EPHA3: variants seen among roughly 807,000 people sequenced by gnomAD.
EPHA3 encodes the protein EPH receptor A3.
EPHA3 carries 42 observed loss-of-function variants against 107.1 expected under a neutral mutation model. The observed-to-expected ratio is 0.39, with a 90% CI of 0.31 to 0.51. The LOEUF (loss-of-function observed/expected upper bound fraction) is 0.51, where lower values mean the gene tolerates loss of function less well. EPHA3 is among the 20% of genes least tolerant of loss of function. The pLI is 0.78. For missense variants in EPHA3, 1,183 were observed against 1,211.2 expected, an observed-to-expected ratio of 0.98 and a Z score of 0.35; for synonymous variants, 461 against 424.8, an observed-to-expected ratio of 1.09 and a Z score of -1.05.
chr3:89,173,878 C>T (rs1470286453), intron 2 of EPHA3, among the ~76,000 whole-genome samples: 2 of 151,976 alleles, frequency 1.3e-5, no homozygotes, highest in African/African-American at 4.8e-5. Context: ...TGGCTATTGT[C>T]TCTAAAACAT....
Position 89,344,397 on chromosome 3 carries a change from T to TA in EPHA3, c.1306+2315dup, listed in dbSNP as rs373299624. Among the ~76,000 whole-genome samples, 694 of 152,124 alleles carry TA rather than the reference T, an allele frequency of 4.6e-3. 6 individuals carry two copies. The highest frequency in any genetic ancestry group is 0.014 in the Middle Eastern group (4 of 294). On this transcript the variant is annotated intron_variant, in intron 5 of 16. Coordinates refer to ENST00000336596, the MANE Select transcript of EPHA3 (RefSeq NM_005233.6). ...TACTTACCCTAGTCTCTCTCCCATT[T>TA]AAAAAAAATCACTAATGTGTTTATA...
intron 3 of EPHA3, among the ~76,000 whole-genome samples, chr3:89,212,750 C>T (rs192981908): frequency 6.6e-6 from 1 of 152,032 alleles, no homozygotes; most frequent in East Asian, 1.9e-4. Flanking sequence ...TATTCCTTCT[C>T]ATATAAACTT....
intron 1 of EPHA3, among the ~76,000 whole-genome samples, chr3:89,117,641 T>G (rs576635743): frequency 8.2e-4 from 125 of 152,214 alleles, no homozygotes; most frequent in African/African-American, 2.8e-3. Context: ...CTTACAAAAC[T>G]GAGCTATTCC....
At chr3:89,395,789 C>T (rs112362743) in intron 5 of EPHA3, 48 bp from the exon 6 acceptor site, 5 of 1,607,694 alleles carry the variant, frequency 3.1e-6, no homozygotes, top group Admixed American at 1.7e-5. Context: ...CCTTTCTAAC[C>T]CATTAATTTG....
rs528374323 is a variant in EPHA3, at chr3:89,243,204, G to T, written c.814+32684G>T. Among the ~76,000 whole-genome samples, 30 of 152,048 alleles carry T rather than the reference G, an allele frequency of 2.0e-4. 1 individual carries two copies. The South Asian group carries it at 5.6e-3, about 28-fold the overall frequency. On this transcript the variant is annotated intron_variant, in intron 3 of 16. Transcript: ENST00000336596. ...AGTCTTTGCTATTGTGAATAGTGCCGCGATAAACATATGTGTGCATGTTTC... is the reference window on the plus strand; with the variant it reads ...AGTCTTTGCTATTGTGAATAGTGCCTCGATAAACATATGTGTGCATGTTTC...
chr3:89,199,861 T>A (rs551256822), intron 2 of EPHA3, among the ~76,000 whole-genome samples: 1 of 152,230 alleles, frequency 6.6e-6, no homozygotes. Context: ...AGCACACTTC[T>A]GTCTGTACTT....
chr3:89,416,704 A>G (rs998304744), intron 10 of EPHA3, among the ~76,000 whole-genome samples: 13 of 151,444 alleles, frequency 8.6e-5, no homozygotes, highest in African/African-American at 3.1e-4. Context: ...AAATAATCAC[A>G]TTACTAAATG....
intron 2 of EPHA3, among the ~76,000 whole-genome samples, chr3:89,148,241 C>T (rs1704611674): frequency 6.6e-6 from 1 of 151,844 alleles, no homozygotes; most frequent in African/African-American, 2.4e-5. Flanking sequence ...ACATATAAGG[C>T]ACTTAATACC....
chr3:89,442,921 C>A (rs996664884), intron 13 of EPHA3, among the ~76,000 whole-genome samples: 6 of 152,176 alleles, frequency 3.9e-5, no homozygotes, highest in Non-Finnish European at 8.8e-5. Flanking sequence ...TTACTTACCA[C>A]CCTCCACCCC....
chr3:89,476,619 T>TTTATTTTAG (rs1710515805), intron 16 of EPHA3, among the ~76,000 whole-genome samples: 1 of 149,950 alleles, frequency 6.7e-6, no homozygotes, highest in Non-Finnish European at 1.5e-5. Flanking sequence ...ATTTATTTAA[T>TTTATTTTAG]TTTTTTGAGG....
At chr3:89,149,036 A>G (rs925115592) in intron 2 of EPHA3, among the ~76,000 whole-genome samples, 1 of 151,880 alleles carries the variant, frequency 6.6e-6, no homozygotes, top group Non-Finnish European at 1.5e-5. Flanking sequence ...GCGCATACCA[A>G]TCAGAGATTA....
At chr3:89,162,522 G>C (rs1271587817) in intron 2 of EPHA3, among the ~76,000 whole-genome samples, 1 of 152,072 alleles carries the variant, frequency 6.6e-6, no homozygotes, top group Admixed American at 6.6e-5. Context: ...GAAATCACTT[G>C]TCCAACCTCT....
chr3:89,322,488 T>C (rs1482901862), intron 3 of EPHA3, among the ~76,000 whole-genome samples: 2 of 152,044 alleles, frequency 1.3e-5, no homozygotes, highest in African/African-American at 4.8e-5. Flanking sequence ...GAAAAAAGAC[T>C]GGGAAAACTA....
At chr3:89,172,547 C>G (rs1705234357) in intron 2 of EPHA3, among the ~76,000 whole-genome samples, 1 of 152,210 alleles carries the variant, frequency 6.6e-6, no homozygotes, top group Non-Finnish European at 1.5e-5. Flanking sequence ...AGTTGCAATG[C>G]TTTCTCCTAC....
intron 5 of EPHA3, among the ~76,000 whole-genome samples, chr3:89,359,278 G>T (rs1708035163): frequency 6.6e-6 from 1 of 150,832 alleles, no homozygotes; most frequent in Non-Finnish European, 1.5e-5. Flanking sequence ...AGTAAGTCAG[G>T]TTTTACTAGT....
intron 5 of EPHA3, among the ~76,000 whole-genome samples, chr3:89,375,596 A>G (rs1309176008): frequency 1.3e-5 from 2 of 151,796 alleles, no homozygotes; most frequent in Non-Finnish European, 2.9e-5. Flanking sequence ...GAGCTGTTCC[A>G]AAGATGAGAG....
At chr3:89,369,310 C>A (rs1435535033) in intron 5 of EPHA3, among the ~76,000 whole-genome samples, 1 of 150,606 alleles carries the variant, frequency 6.6e-6, no homozygotes, top group Non-Finnish European at 1.5e-5. Flanking sequence ...AGATATAGAT[C>A]AATGGAACAG....
At chr3:89,120,474 A>T (rs1457813574) in intron 1 of EPHA3, among the ~76,000 whole-genome samples, 3 of 152,210 alleles carry the variant, frequency 2.0e-5, no homozygotes, top group Non-Finnish European at 4.4e-5. Flanking sequence ...TTATTTTGTT[A>T]TAAGAACACA....
intron 10 of EPHA3, among the ~76,000 whole-genome samples, chr3:89,417,447 G>A (rs1458164257): frequency 6.6e-6 from 1 of 151,444 alleles, no homozygotes; most frequent in African/African-American, 2.4e-5. Context: ...GAACTTTCTG[G>A]TTTTCCCAAG....
Sources: allele counts gnomAD v4.1 joint callset (sites outside exome capture counted in the v4.1 genomes callset), GRCh38; gene constraint gnomAD v4.1.1; transcripts MANE v1.5; gene names NCBI Gene and HGNC (gene_info 2026-07-23, HGNC 2026-07-21).